LOX: variants seen among roughly 807,000 people sequenced by gnomAD.
LOX encodes the protein lysyl oxidase.
LOX carries 12 observed loss-of-function variants against 50.5 expected under a neutral mutation model. The ratio of observed to expected loss-of-function variants is 0.24; its 90% CI spans 0.15 to 0.38. The LOEUF is 0.38. LOX is among the 10% of genes least tolerant of loss of function. LOX has a pLI of 1.00. For synonymous variants in LOX, 254 were observed against 230.6 expected (o/e 1.10, Z -0.92); for missense variants, 504 against 563.8 (o/e 0.89, Z 1.07).
At chr5:122,074,928 G>C (rs1754573155) in intron 3 of LOX, among the ~76,000 whole-genome samples, 2 of 152,210 alleles carry the variant, frequency 1.3e-5, no homozygotes, top group Admixed American at 1.3e-4. Context: ...ATTTAGGATA[G>C]AAAAGGCAAC....
At chr5:122,069,975 T>C in intron 6 of LOX, 78 bp downstream of exon 6, 3 of 994,188 alleles carry the variant, frequency 3.0e-6, no homozygotes, top group Non-Finnish European at 4.9e-6. Context: ...CAGAAACAGA[T>C]ACATTCTATG....
chr5:122,071,150 A>G lies in LOX; in HGVS notation c.1036-561T>C, dbSNP rs375932046. ...TACGTTGTATCTTTGAATAACTAAC[A>G]TTTATTAAATAGTATGTGGCAGGAA... On this transcript the variant is annotated intron_variant, in intron 4 of 6. Coordinates refer to ENST00000231004, the MANE Select transcript of LOX (RefSeq NM_002317.7). Among the ~76,000 whole-genome samples, 4 of 152,020 alleles carry G rather than the reference A, an allele frequency of 2.6e-5. No individual in the cohort carries two copies. The East Asian group carries it at 5.8e-4, about 22-fold the overall frequency.
At chr5:122,067,887 A>G (rs1005122620) in intron 6 of LOX, among the ~76,000 whole-genome samples, 5 of 152,040 alleles carry the variant, frequency 3.3e-5, no homozygotes, top group Non-Finnish European at 7.4e-5. Context: ...GTCACTCCTG[A>G]AACTCAGCCC....
chr5:122,074,826 G>A (rs936358412), intron 3 of LOX, among the ~76,000 whole-genome samples: 1 of 152,194 alleles, frequency 6.6e-6, no homozygotes, highest in African/African-American at 2.4e-5. Context: ...CAGGAAGTAA[G>A]TTTAAGGCCA....
At chr5:122,070,394 T>A (rs980340419) in intron 5 of LOX, 100 bp downstream of exon 5, 3 of 698,188 alleles carry the variant, frequency 4.3e-6, no homozygotes, top group African/African-American at 1.8e-5. Context: ...TGAGGATGTA[T>A]AATTGCTTCC....
intron 2 of LOX, among the ~76,000 whole-genome samples, chr5:122,075,856 A>G (rs1754611639): frequency 6.6e-6 from 1 of 152,228 alleles, no homozygotes; most frequent in Non-Finnish European, 1.5e-5. Flanking sequence ...AAACTTTAGA[A>G]TCAATTCAAG....
At position 122,077,777 on chromosome 5, in the gene LOX, C is replaced by T. The variant is rs1288155606; in HGVS notation, c.209G>A (p.Arg70Gln). The T allele has an allele frequency of 2.6e-6, 4 of 1,548,852 alleles. No homozygotes were observed. The highest frequency in any genetic ancestry group is 2.7e-5 in the African/African-American group (2 of 73,190). Residue 70 changes from arginine (R) to glutamine (Q), a missense_variant, in exon 1 of 7, where the codon CGG (arginine) becomes CAG (glutamine). Arg to Gln is a conservative substitution (Grantham distance 43, BLOSUM62 1). Coordinates refer to ENST00000231004, the MANE Select transcript of LOX (RefSeq NM_002317.7). The surrounding 1 kb of genome is among the most constrained non-coding windows in gnomAD (Gnocchi z 4.9). Reference protein sequence around the residue: ...LGSQYQPQRRRDPGAAVPGAA... With the variant: ...LGSQYQPQRRQDPGAAVPGAA... ...ACCAGGGACGGCGGCGCCCGGGTCC[C>T]GGCGGCGCTGAGGCTGGTACTGTGA... is the stretch of plus-strand genomic sequence containing the variant.
intron 4 of LOX, among the ~76,000 whole-genome samples, chr5:122,073,043 A>G (rs975148955): frequency 6.6e-6 from 1 of 152,134 alleles, no homozygotes; most frequent in Non-Finnish European, 1.5e-5. Flanking sequence ...TCCAATTGCT[A>G]TGATGTTCTA....
At position 122,074,181 on chromosome 5, in the gene LOX, C is replaced by A. The variant is rs1363844473; in HGVS notation, c.879-12G>T. ...TACTGTGGTAATGTCTGATGTCCCA[C>A]AAAACAAAAAGATGGTGGTCAGTTA... On this transcript the variant is annotated splice_polypyrimidine_tract_variant and intron_variant, in intron 3 of 6. Coordinates refer to ENST00000231004, the MANE Select transcript of LOX (RefSeq NM_002317.7). The A allele has an allele frequency of 6.2e-7, 1 of 1,604,600 alleles. No individual in the cohort carries two copies. Among genetic ancestry groups the A allele is most frequent in the Non-Finnish European group, 8.5e-7 (1 of 1,173,232 alleles).
Position 122,066,383 on chromosome 5 carries a change from C to G in LOX, c.*360G>C, listed in dbSNP as rs184683502. On this transcript the variant is annotated 3_prime_UTR_variant, in exon 7 of 7. Transcript: ENST00000231004. ...CCAGCACTTTAGAAAAGTTTCAGTTCAAAGTCATTTTGGCTCATTCATTTA... is the reference window on the plus strand; with the variant it reads ...CCAGCACTTTAGAAAAGTTTCAGTTGAAAGTCATTTTGGCTCATTCATTTA... The G allele has an allele frequency of 4.9e-6, 1 of 202,060 alleles. No homozygotes were observed. Among genetic ancestry groups the G allele is most frequent in the Admixed American group, 5.6e-5 (1 of 17,946 alleles). 12.5% of individuals were successfully genotyped at this position (202,060 alleles called of 1,614,324 possible).
At position 122,077,647 on chromosome 5, in the gene LOX, G is replaced by T. The variant is rs751836249; in HGVS notation, c.339C>A (p.Thr113=). 2 of 1,609,780 alleles carry T rather than the reference G, an allele frequency of 1.2e-6. No homozygotes were observed. The highest frequency in any genetic ancestry group is 3.3e-5 in the Admixed American group (2 of 59,888). ...GGGCGGTGGGCCTGGGGCGGCCAGCGGTGACTCCAGATGAGCCGGCCGTCC... is the reference window on the plus strand; with the variant it reads ...GGGCGGTGGGCCTGGGGCGGCCAGCTGTGACTCCAGATGAGCCGGCCGTCC... The part of the protein sequence containing the change: ...RTRTAGSSGV[T]AGRPRPTARH... The change falls in exon 1 of 7, where the codon ACC becomes ACA. Residue 113 remains threonine, a synonymous_variant. Coordinates refer to ENST00000231004, the MANE Select transcript of LOX (RefSeq NM_002317.7). The surrounding 1 kb of genome is among the most constrained non-coding windows in gnomAD (Gnocchi z 4.9).
Position 122,077,616 on chromosome 5 carries a change from A to C in LOX, c.370T>G (p.Trp124Gly), listed in dbSNP as rs760918001. The C allele has an allele frequency of 1.9e-6, 3 of 1,612,014 alleles. No homozygotes were observed. The highest frequency in any genetic ancestry group is 2.5e-6 in the Non-Finnish European group (3 of 1,179,704). ...GATGTCGAGTAGCCAGCTTGGAACC[A>C]GTGACGGGCGGTGGGCCTGGGGCGG... ...AGRPRPTARH[W>G]FQAGYSTSRA... The change falls in exon 1 of 7, where the codon TGG becomes GGG. Residue 124 changes from tryptophan to glycine, a missense_variant. By Grantham distance (184) the Trp-to-Gly change is radical (BLOSUM62 -2). This residue lies in a region of LOX where 398 missense variants were observed against 365.8 expected (regional missense o/e 1.09). Transcript: ENST00000231004. The surrounding 1 kb of genome is among the most constrained non-coding windows in gnomAD (Gnocchi z 4.9).
rs892262023 is a variant in LOX at position 122,065,831 on chromosome 5, T to C, written c.*912A>G. 3 of 152,044 alleles carry C rather than the reference T, an allele frequency of 2.0e-5. No homozygotes were observed. Among genetic ancestry groups the C allele is most frequent in the Non-Finnish European group, 4.4e-5 (3 of 67,982 alleles). 9.4% of individuals were successfully genotyped at this position (152,044 alleles called of 1,614,324 possible). The stretch of plus-strand genomic sequence containing the variant: ...TGTGATTTTTATGTCAGCAAGAAAA[T>C]TGTATCTTTGGCAAATACTTTAATA... On this transcript the variant is annotated 3_prime_UTR_variant, in exon 7 of 7. Coordinates refer to ENST00000231004, the MANE Select transcript of LOX (RefSeq NM_002317.7).
rs933016321 is a variant in LOX, at chr5:122,077,921, G to C, written c.65C>G (p.Ala22Gly). Residue 22 changes from alanine (A) to glycine (G), a missense_variant, in exon 1 of 7, where the codon GCC becomes GGC. Ala to Gly is a moderately conservative substitution (Grantham distance 60). Around this residue, in one of 2 missense-constraint regions of LOX, gnomAD observed 398 missense variants for 365.8 expected, o/e 1.09. Coordinates refer to ENST00000231004, the MANE Select transcript of LOX (RefSeq NM_002317.7). This position sits in a 1 kb window ranked among gnomAD's most constrained non-coding sequence, Gnocchi z 4.9. ...CTGCTGTTGGCCGGCGGCGGGAGGG[G>C]CGCAGTGCACTAGCGCGCAGAGCTG... is the stretch of plus-strand genomic sequence containing the variant. ...PLQLCALVHC[A>G]PPAAGQQQPP... 5.9e-6 allele frequency: 9 copies of C among 1,517,410 alleles called. No homozygotes were observed. The highest frequency in any genetic ancestry group is 2.9e-5 in the African/African-American group (2 of 68,968). The allele number at this position is 1,517,410 out of a possible 1,614,324, so 94.0% of individuals were successfully genotyped here.
In LOX at chr5:122,070,500, G is replaced by A. The variant is rs1332606387; in HGVS notation, c.1125C>T (p.Ile375=). Residue 375 remains isoleucine, a synonymous_variant, in exon 5 of 7, where the codon ATC becomes ATT. Transcript: ENST00000231004. ...DITDVKPGNY[I]LKVSVNPSYL... ...TATTTTCAAAGGTCTTTACCTTTAG[G>A]ATATAGTTTCCAGGTTTTACATCTG... is the stretch of plus-strand genomic sequence containing the variant. 1 of 1,576,442 alleles carries A rather than the reference G, an allele frequency of 6.3e-7. No individual in the cohort carries two copies. The highest frequency in any genetic ancestry group is 1.1e-5 in the South Asian group (1 of 89,270).
intron 3 of LOX, 46 bp from the exon 4 acceptor site, chr5:122,074,215 G>A (rs1754547366): frequency 6.5e-7 from 1 of 1,533,374 alleles, no homozygotes; most frequent in Admixed American, 1.7e-5. Context: ...TACATACAGA[G>A]AAAGCAATGA....
At chr5:122,075,617 A>G in intron 2 of LOX, 76 bp from the exon 3 acceptor site, 1 of 965,012 alleles carries the variant, frequency 1.0e-6, no homozygotes, top group Non-Finnish European at 1.5e-6. Flanking sequence ...TAAAACATCC[A>G]TTATATAGTA....
Position 122,077,895 on chromosome 5 carries a change from G to C in LOX, c.91C>G (p.Pro31Ala), listed in dbSNP as rs1307475150. 1.3e-6 allele frequency: 2 copies of C among 1,521,890 alleles called. No homozygotes were observed. The highest frequency in any genetic ancestry group is 1.7e-6 in the Non-Finnish European group (2 of 1,144,032). 94.3% of individuals were successfully genotyped at this position (1,521,890 alleles called of 1,614,324 possible). ...GGAGCCGCCGGCGGCTCGCGCGGGG[G>C]CTGCTGTTGGCCGGCGGCGGGAGGG... is the stretch of plus-strand genomic sequence containing the variant. ...CAPPAAGQQQPPREPPAAPGA... is the reference protein window; with the variant it reads ...CAPPAAGQQQAPREPPAAPGA... Residue 31 changes from proline to alanine, a missense_variant, in exon 1 of 7, where the codon CCC becomes GCC. This residue lies in a region of LOX where 398 missense variants were observed against 365.8 expected (regional missense o/e 1.09). Coordinates refer to ENST00000231004, the MANE Select transcript of LOX (RefSeq NM_002317.7). The surrounding 1 kb of genome is among the most constrained non-coding windows in gnomAD (Gnocchi z 4.9).
rs936543871 is a variant in LOX at position 122,065,812 on chromosome 5, T to C, written c.*931A>G. The C allele has an allele frequency of 2.6e-5, 4 of 152,128 alleles. No individual in the cohort carries two copies. Among genetic ancestry groups the C allele is most frequent in the Admixed American group, 6.6e-5 (1 of 15,240 alleles). The allele number at this position is 152,128 out of a possible 1,614,324, so 9.4% of individuals were successfully genotyped here. ...TTTGGGGGGGACTTGTTTGTGTGAT[T>C]TTTATGTCAGCAAGAAAATTGTATC... On this transcript the variant is annotated 3_prime_UTR_variant, in exon 7 of 7. Coordinates refer to ENST00000231004, the MANE Select transcript of LOX (RefSeq NM_002317.7).
Sources: gnomAD v4.1 joint callset for allele counts (sites outside exome capture counted in the v4.1 genomes callset) on GRCh38, gnomAD v4.1.1 for gene constraint, gnomAD v4.1.1 regional missense constraint, Gnocchi (gnomAD v3.1) non-coding constraint, MANE v1.5 for transcripts, NCBI Gene and HGNC (gene_info 2026-07-23, HGNC 2026-07-21) for gene names.